GABRB2: variants seen among roughly 807,000 people sequenced by gnomAD.
GABRB2 encodes gamma-aminobutyric acid receptor subunit beta-2.
A neutral mutation model predicts 54.7 loss-of-function variants in GABRB2; 16 were observed. The ratio of observed to expected loss-of-function variants is 0.29; its 90% CI spans 0.20 to 0.44. The LOEUF is 0.44. Among genes scored for constraint, GABRB2 ranks in the 20% least tolerant of loss-of-function variants. The pLI is 1.00. For synonymous variants in GABRB2, 244 were observed against 233.8 expected, an observed-to-expected ratio of 1.04 and a Z score of -0.40; for missense variants, 355 against 644.0, an observed-to-expected ratio of 0.55 and a Z score of 4.86.
chr5:161,326,506 C>A (rs371019525), intron 8 of GABRB2, 25 bp from the exon 9 acceptor site: 5 of 1,607,734 alleles, frequency 3.1e-6, no homozygotes, highest in Non-Finnish European at 4.2e-6. Context: ...AGAGAATGTG[C>A]TAATTAAGTC....
At chr5:161,437,795 G>A (rs935326556) in intron 4 of GABRB2, among the ~76,000 whole-genome samples, 5 of 152,194 alleles carry the variant, frequency 3.3e-5, no homozygotes, top group African/African-American at 1.2e-4. Context: ...TGTGGGTAAG[G>A]GTGAGGCTAT....
At chr5:161,326,259 C>A in intron 9 of GABRB2, 109 bp downstream of exon 9, 1 of 1,457,972 alleles carries the variant, frequency 6.9e-7, no homozygotes. Context: ...TCTGTGGATA[C>A]ATGTTCATAG....
At chr5:161,428,000 G>A (rs764614614) in intron 4 of GABRB2, among the ~76,000 whole-genome samples, 4 of 151,992 alleles carry the variant, frequency 2.6e-5, no homozygotes, top group Non-Finnish European at 5.9e-5. Flanking sequence ...TTTCTCAATA[G>A]TCTCCTTGCT....
At position 161,292,754 on chromosome 5, in the gene GABRB2, C is replaced by A. The variant is rs1757271833; in HGVS notation, c.*1327G>T. On this transcript the variant is annotated 3_prime_UTR_variant, in exon 10 of 10. Transcript: ENST00000393959. ...AAACCAATGAATGCACAAATTAACT[C>A]TCTGTGTGTTCATACTCCTTGAAGT... 1 of 152,154 alleles carries A rather than the reference C, an allele frequency of 6.6e-6. No homozygotes were observed. Among genetic ancestry groups the A allele is most frequent in the African/African-American group, 2.4e-5 (1 of 41,454 alleles). 9.4% of individuals were successfully genotyped at this position (152,154 alleles called of 1,614,324 possible).
intron 4 of GABRB2, among the ~76,000 whole-genome samples, chr5:161,456,776 A>G (rs554068368): frequency 6.6e-6 from 1 of 152,332 alleles, no homozygotes; most frequent in Admixed American, 6.5e-5. Flanking sequence ...TATTATTACT[A>G]TTTTAAGTGT....
At chr5:161,307,479 A>T (rs933560740) in intron 9 of GABRB2, among the ~76,000 whole-genome samples, 4 of 152,124 alleles carry the variant, frequency 2.6e-5, no homozygotes, top group Non-Finnish European at 5.9e-5. Flanking sequence ...ACAGTTTCTT[A>T]AGTGTTGAGG....
chr5:161,457,313 G>T (rs970268517), intron 4 of GABRB2, among the ~76,000 whole-genome samples: 2 of 152,080 alleles, frequency 1.3e-5, no homozygotes, highest in African/African-American at 4.8e-5. Flanking sequence ...ATGAATTAAA[G>T]GTACAGCAAT....
intron 3 of GABRB2, among the ~76,000 whole-genome samples, 166 bp from the exon 4 acceptor site, chr5:161,460,010 T>C (rs1195175862): frequency 6.6e-6 from 1 of 152,236 alleles, no homozygotes; most frequent in East Asian, 1.9e-4. Flanking sequence ...ACTGGCACGA[T>C]CTCGGCTCAA....
At chr5:161,521,813 T>C (rs886844613) in intron 3 of GABRB2, among the ~76,000 whole-genome samples, 1 of 151,864 alleles carries the variant, frequency 6.6e-6, no homozygotes, top group African/African-American at 2.4e-5. Flanking sequence ...GTTTGTAATG[T>C]CAAAGTCATA....
intron 5 of GABRB2, among the ~76,000 whole-genome samples, chr5:161,406,836 A>G (rs34523820): frequency 0.022 from 3,354 of 152,162 alleles, 57 homozygotes; most frequent in Non-Finnish European, 0.034. Flanking sequence ...CTGTCTCAGT[A>G]AACACTTTGT....
chr5:161,497,211 A>G (rs1359443339), intron 3 of GABRB2, among the ~76,000 whole-genome samples: 1 of 152,102 alleles, frequency 6.6e-6, no homozygotes, highest in African/African-American at 2.4e-5. Flanking sequence ...ACATGATTGC[A>G]TAACTTCTTT....
intron 5 of GABRB2, among the ~76,000 whole-genome samples, chr5:161,343,458 T>C (rs537465235): frequency 1.3e-5 from 2 of 152,184 alleles, no homozygotes; most frequent in African/African-American, 2.4e-5. Context: ...AAATGTCAGA[T>C]TGTGGGTTTT....
At chr5:161,313,330 TAC>T (rs1356134733) in intron 9 of GABRB2, among the ~76,000 whole-genome samples, 1 of 152,118 alleles carries the variant, frequency 6.6e-6, no homozygotes, top group Non-Finnish European at 1.5e-5. Flanking sequence ...GGTAGACACA[TAC>T]ATTCTGGTTG....
At chr5:161,531,057 T>C (rs1018759341) in intron 3 of GABRB2, among the ~76,000 whole-genome samples, 1 of 152,176 alleles carries the variant, frequency 6.6e-6, no homozygotes, top group Non-Finnish European at 1.5e-5. Flanking sequence ...TGAAGTTTCT[T>C]TGTCTGTATG....
chr5:161,491,203 G>A (rs1215681013), intron 3 of GABRB2, among the ~76,000 whole-genome samples: 2 of 151,548 alleles, frequency 1.3e-5, no homozygotes, highest in African/African-American at 4.8e-5. Flanking sequence ...TATGTATGAT[G>A]CATGAGTTCC....
Position 161,336,612 on chromosome 5 carries a change from C to T in GABRB2, c.679+20G>A. On this transcript the variant is annotated intron_variant, in intron 6 of 9. Transcript: ENST00000393959. ...TACGGTGAAGATTATTTTCCCTTAA[C>T]ACTTTTCCATGATACAAACCTGTGG... 1 of 1,610,042 alleles carries T rather than the reference C, an allele frequency of 6.2e-7. No individual in the cohort carries two copies. The highest frequency in any genetic ancestry group is 8.5e-7 in the Non-Finnish European group (1 of 1,177,660).
intron 9 of GABRB2, among the ~76,000 whole-genome samples, chr5:161,321,011 A>G (rs1758191640): frequency 6.6e-6 from 1 of 152,010 alleles, no homozygotes; most frequent in Non-Finnish European, 1.5e-5. Flanking sequence ...GTATACCACA[A>G]AAACGTGGGA....
At chr5:161,423,270 C>T (rs557163388) in intron 4 of GABRB2, among the ~76,000 whole-genome samples, 1 of 152,218 alleles carries the variant, frequency 6.6e-6, no homozygotes, top group East Asian at 1.9e-4. Context: ...GGAAAAATCC[C>T]TCTTCATCTT....
intron 4 of GABRB2, among the ~76,000 whole-genome samples, chr5:161,426,397 G>A (rs1003699398): frequency 6.6e-6 from 1 of 152,008 alleles, no homozygotes; most frequent in South Asian, 2.1e-4. Context: ...GGGGAGGGTG[G>A]TACATGCAAA....
Sources: gnomAD v4.1 joint callset for allele counts (sites outside exome capture counted in the v4.1 genomes callset) on GRCh38, gnomAD v4.1.1 for gene constraint, MANE v1.5 for transcripts, NCBI Gene and HGNC (gene_info 2026-07-23, HGNC 2026-07-21) for gene names.